The following LRRC25 variants were observed in gnomAD, a reference collection of about 807,000 sequenced individuals.
LRRC25 encodes leucine rich repeat containing 25.
Under a neutral mutation model 18.8 loss-of-function variants are expected in LRRC25, and 5 were observed. The observed-to-expected ratio is 0.27, with a 90% CI of 0.14 to 0.56. LRRC25 has a LOEUF of 0.56. LRRC25 is among the 20% of genes least tolerant of loss of function. LRRC25 has a pLI of 0.93. For missense variants in LRRC25, 341 were observed against 389.8 expected (o/e 0.87, Z 1.05); for synonymous variants, 161 against 176.8 (o/e 0.91, Z 0.71).
In LRRC25 at chr19:18,396,842, G is replaced by A; in HGVS notation, c.122C>T (p.Thr41Met). The A allele has an allele frequency of 6.2e-7, 1 of 1,613,972 alleles. No individual in the cohort carries two copies. Among genetic ancestry groups the A allele is most frequent in the Admixed American group, 1.7e-5 (1 of 60,018 alleles). Reference sequence around the variant, plus strand: ...GCTGAGGCCACTGAAATTCAGGCACGTGGCACTGAACTCCGCGTTCCAGTC... The same window carrying A: ...GCTGAGGCCACTGAAATTCAGGCACATGGCACTGAACTCCGCGTTCCAGTC... ...DVDWNAEFSATCLNFSGLSLS... is the reference protein window; with the variant it reads ...DVDWNAEFSAMCLNFSGLSLS... The change falls in exon 1 of 2, where the codon ACG (threonine) becomes ATG (methionine). Residue 41 changes from threonine to methionine, a missense_variant. Physicochemically the swap from Thr to Met is moderately conservative, Grantham distance 81. Transcript: ENST00000339007.
Position 18,396,994 on chromosome 19 carries a change from C to T in LRRC25, c.-31G>A, listed in dbSNP as rs1971980735. On this transcript the variant is annotated 5_prime_UTR_variant, in exon 1 of 2. Transcript: ENST00000339007. The stretch of plus-strand genomic sequence containing the variant: ...CAACCTACGTAGAGACACCGGAATC[C>T]TAGCCCTGACCTCAGCCCTGTGGTC... 1.3e-6 allele frequency: 2 copies of T among 1,577,708 alleles called. No homozygotes were observed. The highest frequency in any genetic ancestry group is 2.7e-5 in the African/African-American group (2 of 74,574).
At chr19:18,394,308 CT>C (rs34809770) in intron 1 of LRRC25, among the ~76,000 whole-genome samples, 61,890 of 124,844 alleles carry the variant, frequency 0.5, 13,361 homozygotes, top group Middle Eastern at 0.64. Flanking sequence ...TTCTTTCTTT[CT>C]TTTTTTTTTT....
chr19:18,391,776 T>G lies in LRRC25; in HGVS notation c.*211A>C. ...GACCGTCCTGTCCCCTTGTTGGGGG[T>G]CTCTCCTCTTCCCCCTCTAGGAGCT... On this transcript the variant is annotated 3_prime_UTR_variant, in exon 2 of 2. Coordinates refer to ENST00000339007, the MANE Select transcript of LRRC25 (RefSeq NM_145256.3). 1.9e-6 allele frequency: 1 copy of G among 528,000 alleles called. No homozygotes were observed. The highest frequency in any genetic ancestry group is 3.4e-6 in the Non-Finnish European group (1 of 293,580). The allele number at this position is 528,000 out of a possible 1,614,324, so 32.7% of individuals were successfully genotyped here. A position where few individuals can be genotyped will look rare whatever the true frequency, so the allele number is the denominator to read the frequency against.
Position 18,397,022 on chromosome 19 carries a change from C to T in LRRC25, c.-59G>A. 1 of 1,500,020 alleles carries T rather than the reference C, an allele frequency of 6.7e-7. No homozygotes were observed. The highest frequency in any genetic ancestry group is 1.2e-5 in the South Asian group (1 of 81,774). 92.9% of individuals were successfully genotyped at this position (1,500,020 alleles called of 1,614,324 possible). On this transcript the variant is annotated 5_prime_UTR_variant, in exon 1 of 2. Coordinates refer to ENST00000339007, the MANE Select transcript of LRRC25 (RefSeq NM_145256.3). ...GCCCTGACCTCAGCCCTGTGGTCGC[C>T]CTCGCCTCCACCGCCAGTGTTTATT...
intron 1 of LRRC25, among the ~76,000 whole-genome samples, chr19:18,394,186 C>T (rs1198129746): frequency 6.6e-6 from 1 of 152,146 alleles, no homozygotes; most frequent in African/African-American, 2.4e-5. Context: ...CCATTCACAG[C>T]AAATTCTCTG....
intron 1 of LRRC25, among the ~76,000 whole-genome samples, chr19:18,392,684 T>C (rs1380854706): frequency 1.3e-5 from 2 of 151,996 alleles, no homozygotes. Context: ...TGAACCCTTT[T>C]TCCTTCCTTA....
chr19:18,395,866 G>A (rs1200853546), intron 1 of LRRC25, among the ~76,000 whole-genome samples: 3 of 152,002 alleles, frequency 2.0e-5, no homozygotes, highest in East Asian at 1.9e-4. Flanking sequence ...AACCACAGGC[G>A]CCCGCCACCA....
rs753194748 is a variant in LRRC25, at chr19:18,396,888, T to C, written c.76A>G (p.Thr26Ala). The C allele has an allele frequency of 6.2e-7, 1 of 1,613,630 alleles. No homozygotes were observed. Among genetic ancestry groups the C allele is most frequent in the South Asian group, 1.1e-5 (1 of 91,086 alleles). Residue 26 changes from threonine to alanine, a missense_variant, in exon 1 of 2, where the codon ACC becomes GCC. Physicochemically the swap from Thr to Ala is moderately conservative, Grantham distance 58. Coordinates refer to ENST00000339007, the MANE Select transcript of LRRC25 (RefSeq NM_145256.3). The stretch of plus-strand genomic sequence containing the variant: ...CAGTCCACATCCGCGGAGGACACGG[T>C]GCACGACGGTTCTAGGCTGTCTGAC... ...RESDSLEPSC[T>A]VSSADVDWNA...
Position 18,396,329 on chromosome 19 carries a change from T to G in LRRC25, c.635A>C (p.Lys212Thr). Residue 212 changes from lysine (K) to threonine (T), a missense_variant, in exon 1 of 2, where the codon AAG becomes ACG. Coordinates refer to ENST00000339007, the MANE Select transcript of LRRC25 (RefSeq NM_145256.3). ...NKPWAAQDGPKPGLGLQPRYG... is the reference protein window; with the variant it reads ...NKPWAAQDGPTPGLGLQPRYG... ...CCGTGGCTGCAAGCCTAAACCGGGCTTGGGCCCATCCTGAGCAGCCCAGGG... is the reference window on the plus strand; with the variant it reads ...CCGTGGCTGCAAGCCTAAACCGGGCGTGGGCCCATCCTGAGCAGCCCAGGG... 1 of 1,613,944 alleles carries G rather than the reference T, an allele frequency of 6.2e-7. No homozygotes were observed. Among genetic ancestry groups the G allele is most frequent in the South Asian group, 1.1e-5 (1 of 91,072 alleles).
chr19:18,392,795 T>C (rs73011457), intron 1 of LRRC25, among the ~76,000 whole-genome samples: 164 of 152,058 alleles, frequency 1.1e-3, no homozygotes, highest in Non-Finnish European at 1.6e-3. Context: ...TTTGAGACCA[T>C]CCTGAGCAAC....
chr19:18,392,762 G>A (rs1227062893), intron 1 of LRRC25, among the ~76,000 whole-genome samples: 2 of 152,202 alleles, frequency 1.3e-5, no homozygotes, highest in South Asian at 2.1e-4. Context: ...GGCCAAGGCA[G>A]AAGGTCTGCT....
rs765195361 is a variant in LRRC25, at chr19:18,396,266, A to G, written c.698T>C (p.Val233Ala). The part of the protein sequence containing the change: ...SRSAPKPQVA[V>A]PSCPSTPDYE... ...GTCGGGAGTGGAGGGGCAGGATGGC[A>G]CGGCCACTTGGGGCTTGGGGGCGCT... Residue 233 changes from valine to alanine, a missense_variant, in exon 1 of 2, where the codon GTG becomes GCG. By Grantham distance (64) the Val-to-Ala change is moderately conservative. Transcript: ENST00000339007. The G allele has an allele frequency of 6.2e-7, 1 of 1,613,620 alleles. No homozygotes were observed. The highest frequency in any genetic ancestry group is 1.1e-5 in the South Asian group (1 of 91,054).
intron 1 of LRRC25, among the ~76,000 whole-genome samples, chr19:18,394,621 T>C (rs1174742129): frequency 6.6e-6 from 1 of 152,068 alleles, no homozygotes; most frequent in Non-Finnish European, 1.5e-5. Context: ...TTGTATTTTT[T>C]AGTAGAAACA....
chr19:18,397,319 G>A lies in LRRC25; in HGVS notation c.-356C>T, dbSNP rs550853009. The A allele has an allele frequency of 2.1e-4, 59 of 284,646 alleles. 1 individual carries two copies. Among genetic ancestry groups the A allele is most frequent in the South Asian group, 1.5e-3 (28 of 18,250 alleles). 17.6% of individuals were successfully genotyped at this position (284,646 alleles called of 1,614,324 possible). The stretch of plus-strand genomic sequence containing the variant: ...GGAAACGGCCCCGCCCCCTGATCAC[G>A]CTCCCGGTATCTCCCAGAACGGCGG... On this transcript the variant is annotated 5_prime_UTR_variant, in exon 1 of 2. Coordinates refer to ENST00000339007, the MANE Select transcript of LRRC25 (RefSeq NM_145256.3).
Position 18,396,244 on chromosome 19 carries a change from G to A in LRRC25, c.720C>T (p.Pro240=), listed in dbSNP as rs773548708. The change falls in exon 1 of 2, where the codon CCC becomes CCT. Residue 240 remains proline (P), a synonymous_variant. Transcript: ENST00000339007. The part of the protein sequence containing the change: ...QVAVPSCPST[P]DYENMFVGQP... Reference sequence around the variant, plus strand: ...GGCCCACAAACATGTTCTCATAGTCGGGAGTGGAGGGGCAGGATGGCACGG... The same window carrying A: ...GGCCCACAAACATGTTCTCATAGTCAGGAGTGGAGGGGCAGGATGGCACGG... The A allele has an allele frequency of 5.6e-6, 9 of 1,612,660 alleles. No homozygotes were observed. The highest frequency in any genetic ancestry group is 1.3e-5 in the African/African-American group (1 of 74,906).
At chr19:18,394,091 A>G (rs1025274563) in intron 1 of LRRC25, among the ~76,000 whole-genome samples, 20 of 151,834 alleles carry the variant, frequency 1.3e-4, no homozygotes, top group Non-Finnish European at 2.8e-4. Context: ...CTGCTGCCCA[A>G]ACACAGCCAT....
rs770794572 is a variant in LRRC25 at position 18,392,119 on chromosome 19, G to A, written c.786C>T (p.His262=). The part of the protein sequence containing the change: ...AEHQWDEQGA[H]PSEDNDFYIN... The stretch of plus-strand genomic sequence containing the variant: ...TGTAAAAGTCATTGTCCTCTGAAGG[G>A]TGAGCCCTGGGGGGACAGACAGACC... The change falls in exon 2 of 2, where the codon CAC becomes CAT. Residue 262 remains histidine (H), a synonymous_variant. Transcript: ENST00000339007. 6.8e-6 allele frequency: 11 copies of A among 1,613,934 alleles called. No homozygotes were observed. In the Admixed American group the frequency reaches 1.3e-4, roughly 20 times the overall value.
At chr19:18,395,090 G>T (rs1053635907) in intron 1 of LRRC25, among the ~76,000 whole-genome samples, 1 of 151,552 alleles carries the variant, frequency 6.6e-6, no homozygotes, top group Non-Finnish European at 1.5e-5. Flanking sequence ...AAAAAATGTC[G>T]GCTGGGCGCG....
chr19:18,394,308 CTT>C lies in LRRC25; in HGVS notation c.779+1875_779+1876del, dbSNP rs34809770. 2.3e-3 allele frequency among the ~76,000 whole-genome samples: 285 copies of C among 125,456 alleles called. 3 individuals are homozygous for C. The East Asian group carries it at 0.036, about 16-fold the overall frequency. 82.3% of individuals were successfully genotyped at this position (125,456 alleles called of 152,430 possible). On this transcript the variant is annotated intron_variant, in intron 1 of 1. Transcript: ENST00000339007. ...CTTTTCTTTTTTTCTTTCTTTCTTT[CTT>C]TTTTTTTTTTTTTGAGACGGAGTCT...
Sources: gnomAD v4.1 joint callset for allele counts (sites outside exome capture counted in the v4.1 genomes callset) on GRCh38, gnomAD v4.1.1 for gene constraint, MANE v1.5 for transcripts, NCBI Gene and HGNC (gene_info 2026-07-23, HGNC 2026-07-21) for gene names.